Variants in DDX17 observed in about 807,000 individuals in gnomAD.
DDX17 encodes probable ATP-dependent RNA helicase DDX17.
DDX17 carries 10 observed loss-of-function variants against 80.8 expected under a neutral mutation model. That is an observed-to-expected ratio of 0.12 (90% CI 0.08 to 0.21). DDX17 has a LOEUF of 0.21. Among genes scored for constraint, DDX17 ranks in the 10% least tolerant of loss-of-function variants. The pLI, the probability that DDX17 is intolerant of heterozygous loss-of-function variation, is 1.00. For synonymous variants in DDX17, 339 were observed against 336.2 expected, an observed-to-expected ratio of 1.01 and a Z score of -0.09; for missense variants, 586 against 957.4, an observed-to-expected ratio of 0.61 and a Z score of 5.12.
chr22:38,501,024 C>A (rs565330312), intron 2 of DDX17, 106 bp downstream of exon 2: 6 of 1,359,830 alleles, frequency 4.4e-6, no homozygotes, highest in African/African-American at 3.1e-5. Flanking sequence ...AATATCACCA[C>A]ACTAGAATAA....
At position 38,487,863 on chromosome 22, in the gene DDX17, C is replaced by T. The variant is rs753504593; in HGVS notation, c.1684+16G>A. On this transcript the variant is annotated intron_variant, in intron 12 of 12. Transcript: ENST00000403230. ...TACCTTGGCAGTACCTGGAAAACTC[C>T]AGGACTTACCCTTACCCCCGCCTCC... 1 of 1,613,838 alleles carries T rather than the reference C, an allele frequency of 6.2e-7. No individual in the cohort carries two copies. The highest frequency in any genetic ancestry group is 8.5e-7 in the Non-Finnish European group (1 of 1,180,008).
intron 3 of DDX17, 133 bp downstream of exon 3, chr22:38,499,267 C>A: frequency 1.5e-6 from 1 of 686,316 alleles, no homozygotes; most frequent in South Asian, 1.8e-5. Context: ...TAGAACAGAA[C>A]TGATGACCAT....
chr22:38,501,548 TCA>T (rs577572211), intron 1 of DDX17, among the ~76,000 whole-genome samples: 136 of 152,286 alleles, frequency 8.9e-4, no homozygotes, highest in Middle Eastern at 6.8e-3. Flanking sequence ...GGGATTACAA[TCA>T]CAGATTCTGG....
In DDX17 at chr22:38,489,059, GTA is replaced by G. The variant is rs1378674337; in HGVS notation, c.1448-946_1448-945del. 1.8e-5 allele frequency: 18 copies of G among 984,070 alleles called. No homozygotes were observed. The highest frequency in any genetic ancestry group is 2.2e-5 in the Non-Finnish European group (18 of 828,918). The allele number at this position is 984,070 out of a possible 1,614,324, so 61.0% of individuals were successfully genotyped here. A position where few individuals can be genotyped will look rare whatever the true frequency, so the allele number is the denominator to read the frequency against. On this transcript the variant is annotated intron_variant, in intron 11 of 12. Transcript: ENST00000403230. The surrounding 1 kb of genome is among the most constrained non-coding windows in gnomAD (Gnocchi z 4.6). ...GTTAGTGTAATGCTTTCAGCTGAAT[GTA>G]TATTTTTACCTACTTAAACAAACAA...
intron 10 of DDX17, 135 bp downstream of exon 10, chr22:38,493,574 AT>A (rs1275748439): frequency 1.5e-6 from 1 of 680,354 alleles, no homozygotes; most frequent in Non-Finnish European, 2.6e-6. Flanking sequence ...AGAGACCACC[AT>A]TTGGTTTACA....
At chr22:38,491,963 C>A (rs914564975) in intron 11 of DDX17, 93 bp downstream of exon 11, 19 of 899,200 alleles carry the variant, frequency 2.1e-5, no homozygotes, top group Non-Finnish European at 3.1e-5. Context: ...CATGTATATA[C>A]AACTTTCTAA....
intron 1 of DDX17, among the ~76,000 whole-genome samples, chr22:38,503,235 A>C (rs2089848008): frequency 6.6e-6 from 1 of 152,218 alleles, no homozygotes; most frequent in African/African-American, 2.4e-5. Context: ...CACACTTGCA[A>C]ATGAAGCAGC....
At position 38,499,505 on chromosome 22, in the gene DDX17, G is replaced by C. The variant is rs746036846; in HGVS notation, c.439-6C>G. 1 of 1,572,506 alleles carries C rather than the reference G, an allele frequency of 6.4e-7. No individual in the cohort carries two copies. The highest frequency in any genetic ancestry group is 8.7e-7 in the Non-Finnish European group (1 of 1,149,870). On this transcript the variant is annotated splice_polypyrimidine_tract_variant and splice_region_variant and intron_variant, in intron 2 of 12. Coordinates refer to ENST00000403230, the MANE Select transcript of DDX17 (RefSeq NM_006386.5). The stretch of plus-strand genomic sequence containing the variant: ...CGTAGCTCATCAACCTCATACTATT[G>C]AAAAAAAATGAAAGAAGTTAGTAAA...
Position 38,489,491 on chromosome 22 carries a change from C to T in DDX17, c.1448-1376G>A, listed in dbSNP as rs1260401043. The T allele has an allele frequency of 7.1e-6, 7 of 985,326 alleles. No individual in the cohort carries two copies. The highest frequency in any genetic ancestry group is 8.4e-6 in the Non-Finnish European group (7 of 829,906). The allele number at this position is 985,326 out of a possible 1,614,324, so 61.0% of individuals were successfully genotyped here. A position where few individuals can be genotyped will look rare whatever the true frequency, so the allele number is the denominator to read the frequency against. ...CGGGTAAAAATTTCAGGTCCTCCAA[C>T]GCCTCCCCCAAGGATAATTGGGGTG... On this transcript the variant is annotated intron_variant, in intron 11 of 12. Coordinates refer to ENST00000403230, the MANE Select transcript of DDX17 (RefSeq NM_006386.5). The surrounding 1 kb of genome is among the most constrained non-coding windows in gnomAD (Gnocchi z 4.6).
rs142360229 is a variant in DDX17 at position 38,504,564 on chromosome 22, G to A, written c.287+1387C>T. Among the ~76,000 whole-genome samples the A allele has an allele frequency of 3.3e-5, 5 of 152,290 alleles. No individual in the cohort carries two copies. In the East Asian group the frequency reaches 9.6e-4, roughly 29 times the overall value. ...ACTTAGCAATACTGTCACACGCGAAGCAAACATTCCACCTCTCATCCTCTA... is the reference window on the plus strand; with the variant it reads ...ACTTAGCAATACTGTCACACGCGAAACAAACATTCCACCTCTCATCCTCTA... On this transcript the variant is annotated intron_variant, in intron 1 of 12. Coordinates refer to ENST00000403230, the MANE Select transcript of DDX17 (RefSeq NM_006386.5).
intron 5 of DDX17, among the ~76,000 whole-genome samples, chr22:38,496,233 T>C (rs2089765584): frequency 6.6e-6 from 1 of 152,144 alleles, no homozygotes; most frequent in Non-Finnish European, 1.5e-5. Flanking sequence ...ATATAGATTG[T>C]ATTACCTGGT....
At chr22:38,493,592 A>G in intron 10 of DDX17, 118 bp downstream of exon 10, 1 of 783,862 alleles carries the variant, frequency 1.3e-6, no homozygotes, top group East Asian at 2.6e-5. Context: ...TACAAAGCCA[A>G]GCATACTTAC....
In DDX17 at chr22:38,496,100, T is replaced by C. The variant is rs1367224075; in HGVS notation, c.739-163A>G. ...TCAGAAGTGGGGAATATTAGCACAA[T>C]GGAATATAGAAAAAAATTATTAGAA... On this transcript the variant is annotated intron_variant, in intron 5 of 12. Transcript: ENST00000403230. Among the ~76,000 whole-genome samples, 5 of 151,756 alleles carry C rather than the reference T, an allele frequency of 3.3e-5. No homozygotes were observed. In the South Asian group the frequency reaches 6.2e-4, roughly 19 times the overall value.
chr22:38,499,137 A>C (rs577507674), intron 3 of DDX17, among the ~76,000 whole-genome samples: 1 of 152,246 alleles, frequency 6.6e-6, no homozygotes, highest in Non-Finnish European at 1.5e-5. Flanking sequence ...GCAAATTCAC[A>C]TTATATCCAG....
In DDX17 at chr22:38,493,321, C is replaced by T. The variant is rs565323705; in HGVS notation, c.1387+389G>A. On this transcript the variant is annotated intron_variant, in intron 10 of 12. Transcript: ENST00000403230. ...TCTCCGGAGTCGCTGGGGTTACAGG[C>T]GTGCACCACCAAGCTTGGCTAAGTT... The T allele has an allele frequency of 6.7e-5, 11 of 163,668 alleles. No homozygotes were observed. In the South Asian group the frequency reaches 1.3e-3, roughly 19 times the overall value. 10.1% of individuals were successfully genotyped at this position (163,668 alleles called of 1,614,324 possible).
At chr22:38,494,176 A>T (rs1268940269) in intron 8 of DDX17, 45 bp from the exon 9 acceptor site, 1 of 1,304,748 alleles carries the variant, frequency 7.7e-7, no homozygotes, top group Non-Finnish European at 1.1e-6. Flanking sequence ...GAAAGTTATT[A>T]TGTGGACGAT....
chr22:38,494,247 AT>A lies in DDX17; in HGVS notation c.1215-117del. The stretch of plus-strand genomic sequence containing the variant: ...TTTCTTTGCACATTACGCTTTTAAA[AT>A]TTTTAATAACTATTAGAGTACTGAG... On this transcript the variant is annotated intron_variant, in intron 8 of 12. Transcript: ENST00000403230. The A allele has an allele frequency of 5.6e-6, 4 of 714,896 alleles. No individual in the cohort carries two copies. In the South Asian group the frequency reaches 7.4e-5, roughly 13 times the overall value. The allele number at this position is 714,896 out of a possible 1,614,324, so 44.3% of individuals were successfully genotyped here.
In DDX17 at chr22:38,506,227, C is replaced by T; in HGVS notation, c.11G>A (p.Gly4Asp). 1.2e-6 allele frequency: 2 copies of T among 1,604,660 alleles called. No individual in the cohort carries two copies. Among genetic ancestry groups the T allele is most frequent in the Non-Finnish European group, 1.7e-6 (2 of 1,176,316 alleles). ...AACACAGAGAATCGGGGCTACAAAGCCGGTGGGCAGGTTTGGCTACGCTCA... is the reference window on the plus strand; with the variant it reads ...AACACAGAGAATCGGGGCTACAAAGTCGGTGGGCAGGTTTGGCTACGCTCA... The change falls in exon 1 of 13, where the codon GGC (glycine) becomes GAC (aspartate). Residue 4 changes from glycine to aspartate, a missense_variant. Gly to Asp is a moderately conservative substitution (Grantham distance 94, BLOSUM62 -1). Around this residue, in one of 4 missense-constraint regions of DDX17, gnomAD observed 215 missense variants for 238.4 expected, o/e 0.90. Transcript: ENST00000403230.
In DDX17 at chr22:38,488,039, T is replaced by A; in HGVS notation, c.1524A>T (p.Arg508=). ...TACCCTTGTTGGTGCTACGGGCTGT[T>A]CGGCCAATACGGTGCACATAATCCT... is the stretch of plus-strand genomic sequence containing the variant. Residue 508 remains arginine, a synonymous_variant, in exon 12 of 13, where the codon CGA becomes CGT. Transcript: ENST00000403230. 1.9e-6 allele frequency: 3 copies of A among 1,614,234 alleles called. No individual in the cohort carries two copies. The highest frequency in any genetic ancestry group is 2.5e-6 in the Non-Finnish European group (3 of 1,180,052).
Sources: allele counts gnomAD v4.1 joint callset (sites outside exome capture counted in the v4.1 genomes callset), GRCh38; gene constraint gnomAD v4.1.1; regional missense constraint gnomAD v4.1.1; non-coding constraint Gnocchi (gnomAD v3.1); transcripts MANE v1.5; gene names NCBI Gene and HGNC (gene_info 2026-07-23, HGNC 2026-07-21).